Variants in BRAF observed in about 807,000 individuals in gnomAD.
BRAF encodes B-Raf proto-oncogene, serine/threonine kinase.
In BRAF, 16 loss-of-function variants were observed where a neutral mutation model predicts 104.6. That is an observed-to-expected ratio of 0.15 (90% CI 0.10 to 0.23). BRAF has a LOEUF of 0.23. Among genes scored for constraint, BRAF ranks in the 10% least tolerant of loss-of-function variants. The probability of loss-of-function intolerance (pLI) is 1.00; values close to 1 mark genes in which losing one functional copy is unlikely to be tolerated. For missense variants in BRAF, 541 were observed against 937.3 expected (o/e 0.58, Z 5.52); for synonymous variants, 310 against 341.6 (o/e 0.91, Z 1.02).
At chr7:140,903,568 C>G (rs1815921701) in intron 1 of BRAF, among the ~76,000 whole-genome samples, 1 of 152,180 alleles carries the variant, frequency 6.6e-6, no homozygotes, top group Non-Finnish European at 1.5e-5. Context: ...TCTTGCAACC[C>G]ATGGATCAAG....
intron 1 of BRAF, among the ~76,000 whole-genome samples, chr7:140,912,629 G>A (rs928696670): frequency 6.6e-6 from 1 of 152,078 alleles, no homozygotes; most frequent in African/African-American, 2.4e-5. Flanking sequence ...CCCCTTTACA[G>A]GATAATTCCT....
chr7:140,717,287 T>G (rs1483378627), downstream of BRAF, among the ~76,000 whole-genome samples: 1 of 152,178 alleles, frequency 6.6e-6, no homozygotes, highest in Non-Finnish European at 1.5e-5. Flanking sequence ...GGACCAGTTT[T>G]TTTTTTTCTC....
intron 1 of BRAF, among the ~76,000 whole-genome samples, chr7:140,861,379 T>G (rs902698070): frequency 2.6e-5 from 4 of 152,152 alleles, no homozygotes; most frequent in Admixed American, 2.6e-4. Flanking sequence ...TTAATTCAGG[T>G]GGCATAAATA....
chr7:140,887,628 C>A (rs577283889), intron 1 of BRAF, among the ~76,000 whole-genome samples: 2 of 152,016 alleles, frequency 1.3e-5, no homozygotes, highest in South Asian at 2.2e-4. Context: ...CACCTGAGGG[C>A]CCATAGGAAG....
chr7:140,761,188 T>C (rs1449848010), intron 14 of BRAF, among the ~76,000 whole-genome samples: 1 of 152,188 alleles, frequency 6.6e-6, no homozygotes, highest in Non-Finnish European at 1.5e-5. Context: ...ACAGCGGATC[T>C]CTCAGCAGAA....
chr7:140,861,692 G>C (rs1308279178), intron 1 of BRAF, among the ~76,000 whole-genome samples: 1 of 152,178 alleles, frequency 6.6e-6, no homozygotes, highest in Non-Finnish European at 1.5e-5. Flanking sequence ...AAAGGGCAGA[G>C]AAAAGTATCA....
At chr7:140,821,179 T>A (rs1354657261) in intron 3 of BRAF, among the ~76,000 whole-genome samples, 1 of 152,152 alleles carries the variant, frequency 6.6e-6, no homozygotes, top group Non-Finnish European at 1.5e-5. Flanking sequence ...AGACAGGGTC[T>A]GGTTACATTG....
At chr7:140,911,494 T>C (rs1404909763) in intron 1 of BRAF, among the ~76,000 whole-genome samples, 1 of 152,106 alleles carries the variant, frequency 6.6e-6, no homozygotes, top group African/African-American at 2.4e-5. Flanking sequence ...AACTCTGGGA[T>C]TCTACAAAAG....
At chr7:140,762,130 T>C (rs925682646) in intron 14 of BRAF, among the ~76,000 whole-genome samples, 6 of 152,174 alleles carry the variant, frequency 3.9e-5, no homozygotes, top group Non-Finnish European at 7.3e-5. Context: ...ACTGACCACA[T>C]ACTTGGAAGT....
intron 3 of BRAF, among the ~76,000 whole-genome samples, chr7:140,819,961 T>C (rs1222981333): frequency 6.6e-6 from 1 of 152,232 alleles, no homozygotes; most frequent in Non-Finnish European, 1.5e-5. Context: ...GTAAATTGTA[T>C]GGCTTTTGAA....
At chr7:140,893,527 G>A (rs1814517406) in intron 1 of BRAF, among the ~76,000 whole-genome samples, 3 of 152,106 alleles carry the variant, frequency 2.0e-5, no homozygotes, top group Admixed American at 1.3e-4. Flanking sequence ...GTGATTACAG[G>A]TGTGAGCCAC....
chr7:140,811,179 T>C (rs1804222572), intron 3 of BRAF, among the ~76,000 whole-genome samples: 1 of 152,068 alleles, frequency 6.6e-6, no homozygotes, highest in African/African-American at 2.4e-5. Flanking sequence ...CTGATGAAAA[T>C]GTGACTAGAG....
intron 19 of BRAF, among the ~76,000 whole-genome samples, chr7:140,727,185 C>CT (rs927393889): frequency 0.011 from 1,442 of 128,578 alleles, 27 homozygotes; most frequent in African/African-American, 0.036. Flanking sequence ...TTATTTTTTT[C>CT]TTTTTTTTTT....
chr7:140,784,419 G>A (rs1321287847), intron 10 of BRAF, among the ~76,000 whole-genome samples: 1 of 151,862 alleles, frequency 6.6e-6, no homozygotes, highest in African/African-American at 2.4e-5. Context: ...CAGGCTTCAC[G>A]GTTATGATCT....
chr7:140,888,558 C>T (rs767217557), intron 1 of BRAF, among the ~76,000 whole-genome samples: 3 of 152,082 alleles, frequency 2.0e-5, no homozygotes, highest in Non-Finnish European at 2.9e-5. Flanking sequence ...TGATCTAGCG[C>T]GGGTGCAGTG....
intron 7 of BRAF, among the ~76,000 whole-genome samples, chr7:140,798,683 A>T (rs1488967053): frequency 6.6e-6 from 1 of 151,198 alleles, no homozygotes; most frequent in Non-Finnish European, 1.5e-5. Context: ...AATTAGGTGC[A>T]GTGTCTCACG....
intron 9 of BRAF, among the ~76,000 whole-genome samples, chr7:140,786,122 T>G (rs543316906): frequency 6.6e-6 from 1 of 152,286 alleles, no homozygotes; most frequent in Non-Finnish European, 1.5e-5. Context: ...CCACAGCTAT[T>G]AAGACATACG....
chr7:140,846,908 C>A (rs1211754754), intron 2 of BRAF, among the ~76,000 whole-genome samples: 2 of 151,994 alleles, frequency 1.3e-5, no homozygotes, highest in African/African-American at 4.8e-5. Context: ...ATAATCCTAG[C>A]ACTTAGGGAG....
At chr7:140,835,492 A>G (rs1351826787) in intron 2 of BRAF, 1 of 152,462 alleles carries the variant, frequency 6.6e-6, no homozygotes, top group Non-Finnish European at 1.5e-5. Context: ...TCTTCTCAGT[A>G]TGGCTGTTTG....
Sources: allele counts gnomAD v4.1 joint callset (sites outside exome capture counted in the v4.1 genomes callset), GRCh38; gene constraint gnomAD v4.1.1; transcripts MANE v1.5; gene names NCBI Gene and HGNC (gene_info 2026-07-23, HGNC 2026-07-21).